The following CANX variants were observed in gnomAD, a reference collection of about 807,000 sequenced individuals.
The protein encoded by CANX is calnexin, also known as epididymis secretory sperm binding protein.
A neutral mutation model predicts 75.7 loss-of-function variants in CANX; 14 were observed. The ratio of observed to expected loss-of-function variants is 0.19; its 90% CI spans 0.12 to 0.29. The LOEUF (loss-of-function observed/expected upper bound fraction) is 0.29, where lower values mean the gene tolerates loss of function less well. Ranked by LOEUF, CANX falls within the 10% of genes least tolerant of loss-of-function variation. The pLI, the probability that CANX is intolerant of heterozygous loss-of-function variation, is 1.00. For missense variants in CANX, 567 were observed against 713.2 expected (o/e 0.79, Z 2.34); for synonymous variants, 227 against 236.9 (o/e 0.96, Z 0.38).
chr5:179,724,236 CTT>C (rs1054010465), intron 12 of CANX, among the ~76,000 whole-genome samples: 3 of 143,780 alleles, frequency 2.1e-5, no homozygotes. Flanking sequence ...CTTGTTTAGC[CTT>C]TTTTTTTTTG....
chr5:179,722,890 T>C lies in CANX; in HGVS notation c.1269T>C (p.Gly423=), dbSNP rs1353886786. 1.2e-6 allele frequency: 2 copies of C among 1,613,776 alleles called. No individual in the cohort carries two copies. The highest frequency in any genetic ancestry group is 2.2e-5 in the East Asian group (1 of 44,896). The part of the protein sequence containing the change: ...PFRMTPFSAI[G]LELWSMTSDI... ...GAATGACTCCTTTTAGTGCTATTGGTTTGGAGCTGTGGTCCATGACCTCTG... is the reference window on the plus strand; with the variant it reads ...GAATGACTCCTTTTAGTGCTATTGGCTTGGAGCTGTGGTCCATGACCTCTG... Residue 423 remains glycine (G), a synonymous_variant, in exon 11 of 15, where the codon GGT becomes GGC. Coordinates refer to ENST00000247461, the MANE Select transcript of CANX (RefSeq NM_001746.4).
chr5:179,708,415 CA>C (rs1777306004), intron 5 of CANX, 35 bp downstream of exon 5: 2 of 1,590,738 alleles, frequency 1.3e-6, no homozygotes, highest in African/African-American at 2.7e-5. Flanking sequence ...AAGCTTTCTG[CA>C]AAGGGTAATC....
intron 1 of CANX, among the ~76,000 whole-genome samples, chr5:179,684,060 CT>C (rs1776138028): frequency 6.6e-6 from 1 of 152,088 alleles, no homozygotes; most frequent in South Asian, 2.1e-4. Flanking sequence ...TTTTGCTCAT[CT>C]TTGTGTGGAC....
intron 8 of CANX, among the ~76,000 whole-genome samples, chr5:179,716,999 A>G (rs1198190969): frequency 6.6e-6 from 1 of 152,162 alleles, no homozygotes; most frequent in Non-Finnish European, 1.5e-5. Context: ...GAGAAATTAC[A>G]TGGCCTTTTA....
intron 1 of CANX, chr5:179,699,588 C>G (rs752343138): frequency 6.6e-6 from 1 of 152,210 alleles, no homozygotes. Flanking sequence ...AGACTGGACC[C>G]TAGTTCCCTG....
intron 1 of CANX, among the ~76,000 whole-genome samples, chr5:179,703,146 C>T (rs1776881571): frequency 6.6e-6 from 1 of 152,012 alleles, no homozygotes; most frequent in Admixed American, 6.6e-5. Flanking sequence ...TTCCTGACCT[C>T]AGATGATCTG....
chr5:179,724,229 G>A (rs1286702234), intron 12 of CANX, among the ~76,000 whole-genome samples: 3 of 148,430 alleles, frequency 2.0e-5, no homozygotes, highest in African/African-American at 4.9e-5. Context: ...AGTTTTTCTT[G>A]TTTAGCCTTT....
At chr5:179,698,915 C>A (rs1776521438), upstream of CANX, 1 of 1,156,562 alleles carries the variant, frequency 8.6e-7, no homozygotes, top group Non-Finnish European at 1.1e-6. Flanking sequence ...TACTCAGGGG[C>A]CAGGGGCGGG....
Position 179,728,724 on chromosome 5 carries a change from C to A in CANX, c.*80C>A. The A allele has an allele frequency of 1.1e-6, 1 of 941,384 alleles. No individual in the cohort carries two copies. The allele number at this position is 941,384 out of a possible 1,614,324, so 58.3% of individuals were successfully genotyped here. On this transcript the variant is annotated 3_prime_UTR_variant, in exon 15 of 15. Coordinates refer to ENST00000247461, the MANE Select transcript of CANX (RefSeq NM_001746.4). Reference sequence around the variant, plus strand: ...GGTCCTAGGAGAGGACCTGGCACACCTTAGGTTGACATTCAGAAAACTTCA... The same window carrying A: ...GGTCCTAGGAGAGGACCTGGCACACATTAGGTTGACATTCAGAAAACTTCA...
chr5:179,727,231 T>G (rs1013198021), intron 14 of CANX, among the ~76,000 whole-genome samples: 5 of 152,232 alleles, frequency 3.3e-5, no homozygotes, highest in African/African-American at 1.2e-4. Flanking sequence ...ATACTCTGCC[T>G]TTAGGGAGCT....
At chr5:179,698,795 C>T, upstream of CANX, 2 of 672,380 alleles carry the variant, frequency 3.0e-6, no homozygotes. Context: ...TCACACTCCA[C>T]GAAGAATAGC....
rs187644199 is a variant in CANX at position 179,722,826 on chromosome 5, T to C, written c.1205T>C (p.Ile402Thr). The C allele has an allele frequency of 1.9e-6, 3 of 1,612,022 alleles. No individual in the cohort carries two copies. In the East Asian group the frequency reaches 6.7e-5, roughly 36 times the overall value. Residue 402 changes from isoleucine to threonine, a missense_variant, in exon 11 of 15, where the codon ATA (isoleucine) becomes ACA (threonine). Around this residue, in one of 3 missense-constraint regions of CANX, gnomAD observed 49 missense variants for 100.1 expected, o/e 0.49. Transcript: ENST00000247461. ...TAGGGAATCTGGAAACCCAGGAAAA[T>C]ACCAAATCCAGATTTCTTTGAAGAT... Reference protein sequence around the residue: ...SYQGIWKPRKIPNPDFFEDLE... With the variant: ...SYQGIWKPRKTPNPDFFEDLE...
intron 1 of CANX, among the ~76,000 whole-genome samples, chr5:179,703,797 G>GA (rs1488253852): frequency 6.6e-6 from 1 of 152,146 alleles, no homozygotes; most frequent in Admixed American, 6.6e-5. Flanking sequence ...AAAAGACTTA[G>GA]AAATTTTTGC....
chr5:179,685,239 C>T (rs1242213346), intron 1 of CANX, among the ~76,000 whole-genome samples: 3 of 152,074 alleles, frequency 2.0e-5, no homozygotes, highest in African/African-American at 7.2e-5. Context: ...CTTGGGATTA[C>T]AGGCACACGC....
intron 7 of CANX, among the ~76,000 whole-genome samples, chr5:179,715,431 C>T (rs759874732): frequency 3.9e-5 from 6 of 151,922 alleles, no homozygotes; most frequent in East Asian, 3.9e-4. Flanking sequence ...CCAGCTACTG[C>T]GGAGGCTGAG....
intron 1 of CANX, chr5:179,699,800 A>G (rs1776610794): frequency 1.3e-5 from 2 of 152,206 alleles, no homozygotes; most frequent in Admixed American, 1.3e-4. Flanking sequence ...AGGTCATGCG[A>G]TTAGTGTACT....
At chr5:179,689,404 T>TTTTTTTTTTTTTTA (rs1776259364) in intron 1 of CANX, among the ~76,000 whole-genome samples, 1 of 147,816 alleles carries the variant, frequency 6.8e-6, no homozygotes. Flanking sequence ...TTTTTTTTTT[T>TTTTTTTTTTTTTTA]GAGACAGAGT....
chr5:179,696,437 G>A (rs1220656764), upstream of CANX, among the ~76,000 whole-genome samples: 2 of 151,694 alleles, frequency 1.3e-5, no homozygotes, highest in Non-Finnish European at 2.9e-5. Flanking sequence ...CAGTATGCCC[G>A]GCTAATTTTT....
intron 1 of CANX, among the ~76,000 whole-genome samples, chr5:179,703,025 T>C (rs1776873643): frequency 6.6e-6 from 1 of 152,148 alleles, no homozygotes; most frequent in Non-Finnish European, 1.5e-5. Context: ...TGCCTCGGCC[T>C]CCCAAAGTGC....
Sources: allele counts gnomAD v4.1 joint callset (sites outside exome capture counted in the v4.1 genomes callset), GRCh38; gene constraint gnomAD v4.1.1; regional missense constraint gnomAD v4.1.1; transcripts MANE v1.5; gene names NCBI Gene and HGNC (gene_info 2026-07-23, HGNC 2026-07-21).